The following RDH11 variants were observed in gnomAD, a reference collection of about 807,000 sequenced individuals.
The protein encoded by RDH11 is HCV core-binding protein HCBP12.
Under a neutral mutation model 33.4 loss-of-function variants are expected in RDH11, and 19 were observed. That is an observed-to-expected ratio of 0.57 (90% confidence interval 0.40 to 0.83). The LOEUF (loss-of-function observed/expected upper bound fraction) is 0.83, where lower values mean the gene tolerates loss of function less well. RDH11 is among the 40% of genes least tolerant of loss of function. The pLI is 0.00. For missense variants in RDH11, 353 were observed against 389.0 expected (o/e 0.91, Z 0.78); for synonymous variants, 154 against 155.3 (o/e 0.99, Z 0.06).
intron 1 of RDH11, among the ~76,000 whole-genome samples, chr14:67,695,070 C>T (rs896096187): frequency 1.3e-5 from 2 of 152,190 alleles, no homozygotes; most frequent in African/African-American, 4.8e-5. Context: ...TGCTCCTGCT[C>T]GCAAGGCAGG....
intron 1 of RDH11, among the ~76,000 whole-genome samples, chr14:67,694,239 C>T (rs2037794016): frequency 6.6e-6 from 1 of 152,106 alleles, no homozygotes; most frequent in African/African-American, 2.4e-5. Context: ...CATCACCTCC[C>T]TCCTCAGAAA....
In RDH11 at chr14:67,694,477, T is replaced by TACAC. The variant is rs59432236; in HGVS notation, c.74+1149_74+1152dup. Among the ~76,000 whole-genome samples the TACAC allele has an allele frequency of 3.1e-4, 45 of 142,922 alleles. 2 individuals are homozygous for TACAC. Among genetic ancestry groups the TACAC allele is most frequent in the Middle Eastern group, 3.6e-3 (1 of 280 alleles). 93.8% of individuals were successfully genotyped at this position (142,922 alleles called of 152,430 possible). On this transcript the variant is annotated intron_variant, in intron 1 of 6. Coordinates refer to ENST00000381346, the MANE Select transcript of RDH11 (RefSeq NM_016026.4). ...ACACACACACACACATATATATATA[T>TACAC]ACACACACACACATATATATATATA...
rs2037824703 is a variant in RDH11, at chr14:67,695,743, C to T, written c.-40G>A. The stretch of plus-strand genomic sequence containing the variant: ...GCGGCACCAGAGCGGGATGCTCCAG[C>T]GTTGCTCGCCGACTATGGCTTCTCT... On this transcript the variant is annotated 5_prime_UTR_variant, in exon 1 of 7. Transcript: ENST00000381346. The T allele has an allele frequency of 6.9e-6, 11 of 1,589,008 alleles. No homozygotes were observed. Among genetic ancestry groups the T allele is most frequent in the Admixed American group, 6.8e-5 (4 of 58,942 alleles).
chr14:67,693,958 C>T (rs748234962), intron 1 of RDH11, among the ~76,000 whole-genome samples: 3 of 152,074 alleles, frequency 2.0e-5, no homozygotes, highest in Non-Finnish European at 4.4e-5. Flanking sequence ...GCCTAGAGTG[C>T]TTGTTTCTAA....
rs371345890 is a variant in RDH11 at position 67,691,214 on chromosome 14, T to C, written c.380A>G (p.Asn127Ser). ...GTACGGACACATCATCACTCCTGCATTGTTGATCAAAACGTGGAGGTGCTT... is the reference window on the plus strand; with the variant it reads ...GTACGGACACATCATCACTCCTGCACTGTTGATCAAAACGTGGAGGTGCTT... ...EEKHLHVLIN[N>S]AGVMMCPYSK... Residue 127 changes from asparagine to serine, a missense_variant, in exon 4 of 7, where the codon AAT becomes AGT. Transcript: ENST00000381346. The C allele has an allele frequency of 1.4e-5, 23 of 1,613,860 alleles. No homozygotes were observed. The highest frequency in any genetic ancestry group is 1.3e-4 in the African/African-American group (10 of 74,908).
rs2037557695 is a variant in RDH11, at chr14:67,677,518, G to C, written c.*803C>G. The stretch of plus-strand genomic sequence containing the variant: ...TAACTAGTTAATCCTTAAAGGGCTA[G>C]TTAATCCTTAACTAGTCCCTTCATT... On this transcript the variant is annotated 3_prime_UTR_variant, in exon 7 of 7. Coordinates refer to ENST00000381346, the MANE Select transcript of RDH11 (RefSeq NM_016026.4). The C allele has an allele frequency of 6.6e-6, 1 of 151,674 alleles. No homozygotes were observed. The highest frequency in any genetic ancestry group is 1.5e-5 in the Non-Finnish European group (1 of 67,978). The allele number at this position is 151,674 out of a possible 1,614,324, so 9.4% of individuals were successfully genotyped here. A position where few individuals can be genotyped will look rare whatever the true frequency, so the allele number is the denominator to read the frequency against.
chr14:67,693,288 C>A (rs570613393), intron 1 of RDH11, among the ~76,000 whole-genome samples: 9 of 152,342 alleles, frequency 5.9e-5, no homozygotes, highest in Non-Finnish European at 1.0e-4. Flanking sequence ...CTGTTCTCTG[C>A]AGCACAAGAA....
At chr14:67,684,320 C>T (rs900878082) in intron 6 of RDH11, among the ~76,000 whole-genome samples, 1 of 152,030 alleles carries the variant, frequency 6.6e-6, no homozygotes, top group African/African-American at 2.4e-5. Flanking sequence ...AAATTTTGAT[C>T]TTATGTGATG....
chr14:67,683,367 T>C (rs781134110), intron 6 of RDH11, among the ~76,000 whole-genome samples: 5 of 152,190 alleles, frequency 3.3e-5, no homozygotes, highest in African/African-American at 7.2e-5. Flanking sequence ...AAATCTATCT[T>C]CTTATACTTC....
At chr14:67,694,447 T>C (rs1375969558) in intron 1 of RDH11, among the ~76,000 whole-genome samples, 17 of 140,494 alleles carry the variant, frequency 1.2e-4, no homozygotes, top group Non-Finnish European at 2.2e-4. Context: ...TATATATATA[T>C]ATATACACAC....
intron 4 of RDH11, chr14:67,690,794 G>T (rs73276626): frequency 0.014 from 5,092 of 373,456 alleles, 253 homozygotes; most frequent in African/African-American, 0.097. Flanking sequence ...TACAGCCTGG[G>T]CAACATAGCA....
Position 67,685,030 on chromosome 14 carries a change from C to G in RDH11, c.839G>C (p.Ser280Thr). 1 of 1,609,230 alleles carries G rather than the reference C, an allele frequency of 6.2e-7. No individual in the cohort carries two copies. Among genetic ancestry groups the G allele is most frequent in the Non-Finnish European group, 8.5e-7 (1 of 1,178,414 alleles). ...ACATTCATACCTGAAATGATTCCCACTTAGAATCTCAAGACCTTCTGTTAA... is the reference window on the plus strand; with the variant it reads ...ACATTCATACCTGAAATGATTCCCAGTTAGAATCTCAAGACCTTCTGTTAA... Reference protein sequence around the residue: ...CALTEGLEILSGNHFSDCHVA... With the variant: ...CALTEGLEILTGNHFSDCHVA... Residue 280 changes from serine (S) to threonine (T), a missense_variant, in exon 6 of 7, where the codon AGT (serine) becomes ACT (threonine). Transcript: ENST00000381346.
rs1363062538 is a variant in RDH11, at chr14:67,678,330, TG to T, written c.947del (p.Pro316GlnfsTer2). 1.2e-6 allele frequency: 2 copies of T among 1,610,768 alleles called. No individual in the cohort carries two copies. Among genetic ancestry groups the T allele is most frequent in the Non-Finnish European group, 1.7e-6 (2 of 1,177,060 alleles). ...CAACTGGCACTGCCTGTTAGTCTAT[TG>T]GGAGGCCCAGCAGGTCACAACTGAC... ...WDVSCDLLGL[P>X]ID On this transcript the variant is annotated frameshift_variant, in exon 7 of 7. Coordinates refer to ENST00000381346, the MANE Select transcript of RDH11 (RefSeq NM_016026.4). LOFTEE classifies it high-confidence loss of function.
chr14:67,681,520 T>C (rs8007557), intron 6 of RDH11, among the ~76,000 whole-genome samples: 125,343 of 152,194 alleles, frequency 0.82, 52,048 homozygotes, highest in Non-Finnish European at 0.88. Flanking sequence ...TGGTGGCTCA[T>C]GCCTATAATC....
Position 67,677,363 on chromosome 14 carries a change from A to ATTTTTT in RDH11, c.*952_*957dup, listed in dbSNP as rs71129846. ...TTTTTTTTGTTTGTTTGTTTTTAGGATTTTTTTTTTTTTTTTTTTTTTTTT... is the reference window on the plus strand; with the variant it reads ...TTTTTTTTGTTTGTTTGTTTTTAGGATTTTTTTTTTTTTTTTTTTTTTTTTTTTTTT... On this transcript the variant is annotated 3_prime_UTR_variant, in exon 7 of 7. Coordinates refer to ENST00000381346, the MANE Select transcript of RDH11 (RefSeq NM_016026.4). The ATTTTTT allele has an allele frequency of 3.5e-3, 113 of 31,970 alleles. 11 individuals carry two copies. The highest frequency in any genetic ancestry group is 5.4e-3 in the African/African-American group (40 of 7,348). 2.0% of individuals were successfully genotyped at this position (31,970 alleles called of 1,614,324 possible). A position where few individuals can be genotyped will look rare whatever the true frequency, so the allele number is the denominator to read the frequency against.
intron 6 of RDH11, among the ~76,000 whole-genome samples, chr14:67,679,913 A>G (rs1246205138): frequency 6.6e-6 from 1 of 152,240 alleles, no homozygotes; most frequent in Non-Finnish European, 1.5e-5. Context: ...TTGCTTCCTC[A>G]GTATCTAAGC....
intron 6 of RDH11, among the ~76,000 whole-genome samples, chr14:67,679,629 C>T (rs1021105402): frequency 6.6e-6 from 1 of 152,150 alleles, no homozygotes; most frequent in African/African-American, 2.4e-5. Context: ...GTCTCGAACT[C>T]CTGACCTCAA....
At chr14:67,690,453 A>G (rs765866837) in intron 4 of RDH11, 32 bp from the exon 5 acceptor site, 8 of 1,586,096 alleles carry the variant, frequency 5.0e-6, no homozygotes, top group Non-Finnish European at 6.9e-6. Flanking sequence ...AATGAAGTTC[A>G]GGGCCATGTA....
At chr14:67,694,489 C>CACACATAT (rs1555387472) in intron 1 of RDH11, among the ~76,000 whole-genome samples, 2 of 144,188 alleles carry the variant, frequency 1.4e-5, no homozygotes, top group African/African-American at 5.2e-5. Context: ...CACACACACA[C>CACACATAT]ATATATATAT....
Sources: allele counts gnomAD v4.1 joint callset (sites outside exome capture counted in the v4.1 genomes callset), GRCh38; gene constraint gnomAD v4.1.1; transcripts MANE v1.5; gene names NCBI Gene and HGNC (gene_info 2026-07-23, HGNC 2026-07-21).